TPST2: variants seen among roughly 807,000 people sequenced by gnomAD.
TPST2 encodes protein-tyrosine sulfotransferase 2.
Under a neutral mutation model 27.8 loss-of-function variants are expected in TPST2, and 16 were observed. The ratio of observed to expected loss-of-function variants is 0.58; its 90% CI spans 0.39 to 0.88. The LOEUF (loss-of-function observed/expected upper bound fraction) is 0.88. Among genes scored for constraint, TPST2 ranks in the 40% least tolerant of loss-of-function variants. TPST2 has a pLI of 0.00. For synonymous variants in TPST2, 229 were observed against 231.7 expected (o/e 0.99, Z 0.10); for missense variants, 464 against 543.1 (o/e 0.85, Z 1.45).
chr22:26,561,854 A>G (rs756694781), intron 1 of TPST2, among the ~76,000 whole-genome samples: 1 of 152,330 alleles, frequency 6.6e-6, no homozygotes, highest in South Asian at 2.1e-4. Flanking sequence ...TTGAAGCTGC[A>G]TAGGGCTGGC....
At position 26,541,924 on chromosome 22, in the gene TPST2, GT is replaced by G. The variant is rs1202780365; in HGVS notation, c.-88-207del. On this transcript the variant is annotated intron_variant, in intron 2 of 6. Coordinates refer to ENST00000338754, the MANE Select transcript of TPST2 (RefSeq NM_003595.5). The surrounding 1 kb of genome is among the most constrained non-coding windows in gnomAD (Gnocchi z 5.9). ...TTTTAAAGAGATGGGGTCTCACCATGTTTCCCAGGCTGCTCTTGAACTCGTG... is the reference window on the plus strand; with the variant it reads ...TTTTAAAGAGATGGGGTCTCACCATGTTCCCAGGCTGCTCTTGAACTCGTG... Among the ~76,000 whole-genome samples the G allele has an allele frequency of 3.3e-5, 5 of 152,216 alleles. No individual in the cohort carries two copies. The highest frequency in any genetic ancestry group is 7.2e-5 in the African/African-American group (3 of 41,526).
intron 1 of TPST2, among the ~76,000 whole-genome samples, chr22:26,581,015 TACATACACACAC>T (rs766213732): frequency 4.8e-3 from 189 of 39,690 alleles, no homozygotes; most frequent in Admixed American, 0.021. Flanking sequence ...ACCCTCAACA[TACATACACACAC>T]ACACACACAC....
At chr22:26,568,275 G>A (rs913557431) in intron 1 of TPST2, among the ~76,000 whole-genome samples, 2 of 152,188 alleles carry the variant, frequency 1.3e-5, no homozygotes, top group Non-Finnish European at 2.9e-5. Flanking sequence ...TGTGATGAGC[G>A]AAACAAGTCA....
intron 4 of TPST2, chr22:26,536,074 G>C (rs1468301978): frequency 2.1e-5 from 15 of 715,220 alleles, no homozygotes; most frequent in Non-Finnish European, 3.1e-5. Flanking sequence ...TAGAGTATGA[G>C]AGACAGGCTA....
chr22:26,556,540 CA>C (rs374551091), intron 1 of TPST2, among the ~76,000 whole-genome samples: 4 of 151,336 alleles, frequency 2.6e-5, no homozygotes, highest in South Asian at 2.1e-4. Context: ...AACTCCATCT[CA>C]AAAAAAAAGT....
At chr22:26,528,297 G>A (rs1291231487) in intron 5 of TPST2, 35 bp from the exon 6 acceptor site, 30 of 1,554,478 alleles carry the variant, frequency 1.9e-5, no homozygotes, top group East Asian at 2.4e-5. Context: ...AAGGGGTCAC[G>A]GCCAGGTGAG....
At chr22:26,577,792 G>A (rs755054881) in intron 1 of TPST2, among the ~76,000 whole-genome samples, 18 of 151,404 alleles carry the variant, frequency 1.2e-4, no homozygotes, top group Non-Finnish European at 2.4e-4. Context: ...CTGAGTAGCT[G>A]GGATTACAGG....
chr22:26,529,159 G>A (rs1365953290), intron 5 of TPST2, among the ~76,000 whole-genome samples: 3 of 152,146 alleles, frequency 2.0e-5, no homozygotes, highest in Non-Finnish European at 2.9e-5. Flanking sequence ...GTCTCACTGT[G>A]TTGCCCAGGC....
At position 26,541,253 on chromosome 22, in the gene TPST2, C is replaced by G. The variant is rs149409754; in HGVS notation, c.378G>C (p.Ala126=). ...SGREKLRLDE[A]GVTDEVLDAA... The stretch of plus-strand genomic sequence containing the variant: ...CGTCCAGCACCTCATCCGTCACCCC[C>G]GCCTCATCCAGCCGCAGCTTCTCAC... Residue 126 remains alanine, a synonymous_variant, in exon 3 of 7, where the codon GCG becomes GCC. Coordinates refer to ENST00000338754, the MANE Select transcript of TPST2 (RefSeq NM_003595.5). The surrounding 1 kb of genome is among the most constrained non-coding windows in gnomAD (Gnocchi z 5.9). 2 of 1,542,054 alleles carry G rather than the reference C, an allele frequency of 1.3e-6. No homozygotes were observed. The highest frequency in any genetic ancestry group is 2.3e-5 in the East Asian group (1 of 44,190).
At chr22:26,573,355 C>G (rs1056289566) in intron 1 of TPST2, among the ~76,000 whole-genome samples, 1 of 152,232 alleles carries the variant, frequency 6.6e-6, no homozygotes, top group Admixed American at 6.5e-5. Context: ...TATCTGAAGG[C>G]TCGGGGTGAC....
At chr22:26,553,577 C>T (rs1026030255) in intron 1 of TPST2, among the ~76,000 whole-genome samples, 1 of 151,966 alleles carries the variant, frequency 6.6e-6, no homozygotes, top group African/African-American at 2.4e-5. Context: ...CACTATGTTG[C>T]CCAGGCCAGT....
rs116214953 is a variant in TPST2 at position 26,577,142 on chromosome 22, G to A, written c.-161+12911C>T. Among the ~76,000 whole-genome samples the A allele has an allele frequency of 9.3e-3, 1,404 of 150,912 alleles. 25 individuals are homozygous for A. Among genetic ancestry groups the A allele is most frequent in the African/African-American group, 0.033 (1,346 of 41,102 alleles). ...AATTAAATTAGCCAAGCGTGGTGGT[G>A]CATACTTGTAGTCCCTGCTACTTGG... On this transcript the variant is annotated intron_variant, in intron 1 of 6. Transcript: ENST00000338754.
chr22:26,548,127 TCTGAAATG>T (rs1332572363), intron 1 of TPST2, among the ~76,000 whole-genome samples: 1 of 152,122 alleles, frequency 6.6e-6, no homozygotes, highest in Non-Finnish European at 1.5e-5. Flanking sequence ...AATTTCAAAA[TCTGAAATG>T]CTCCAAAATC....
intron 1 of TPST2, among the ~76,000 whole-genome samples, chr22:26,547,019 G>A (rs1926158375): frequency 6.6e-6 from 1 of 152,206 alleles, no homozygotes; most frequent in Admixed American, 6.5e-5. Context: ...TCACTGCAGA[G>A]TGTTCTGCTG....
At chr22:26,540,122 G>A (rs1425997682) in intron 3 of TPST2, among the ~76,000 whole-genome samples, 4 of 152,170 alleles carry the variant, frequency 2.6e-5, no homozygotes, top group Admixed American at 2.6e-4. Flanking sequence ...GTATCTATAA[G>A]GTAGGCAAAT....
intron 1 of TPST2, among the ~76,000 whole-genome samples, chr22:26,574,296 C>T (rs1465357241): frequency 1.3e-5 from 2 of 152,004 alleles, no homozygotes; most frequent in African/African-American, 4.8e-5. Context: ...TATTATCTGT[C>T]ACCCACAAAA....
intron 1 of TPST2, among the ~76,000 whole-genome samples, chr22:26,586,822 C>T (rs567795480): frequency 2.2e-4 from 34 of 152,286 alleles, no homozygotes; most frequent in Admixed American, 1.3e-3. Flanking sequence ...TCTGTGAAAA[C>T]GCTGGGTTCT....
Position 26,536,343 on chromosome 22 carries a change from G to C in TPST2, c.986C>G (p.Ala329Gly). 1 of 1,614,044 alleles carries C rather than the reference G, an allele frequency of 6.2e-7. No individual in the cohort carries two copies. Among genetic ancestry groups the C allele is most frequent in the Non-Finnish European group, 8.5e-7 (1 of 1,179,892 alleles). The stretch of plus-strand genomic sequence containing the variant: ...AGGGTTGCCATAGTTGGGGGGGTTT[G>C]CATAAGGGTCATAGCCGAGCTGAGC... ...MLAQLGYDPY[A>G]NPPNYGNPDP... The change falls in exon 4 of 7, where the codon GCA becomes GGA. Residue 329 changes from alanine (A) to glycine (G), a missense_variant. By Grantham distance (60) the Ala-to-Gly change is moderately conservative. Transcript: ENST00000338754.
intron 1 of TPST2, among the ~76,000 whole-genome samples, chr22:26,548,301 C>G (rs1213752663): frequency 1.6e-5 from 2 of 128,366 alleles, no homozygotes; most frequent in African/African-American, 6.0e-5. Flanking sequence ...GTTAATACAG[C>G]GAGACCCCAT....
Sources: gnomAD v4.1 joint callset for allele counts (sites outside exome capture counted in the v4.1 genomes callset) on GRCh38, gnomAD v4.1.1 for gene constraint, Gnocchi (gnomAD v3.1) non-coding constraint, MANE v1.5 for transcripts, NCBI Gene and HGNC (gene_info 2026-07-23, HGNC 2026-07-21) for gene names.